KAZN: variants seen among roughly 807,000 people sequenced by gnomAD.
KAZN encodes the protein kazrin.
KAZN carries 40 observed loss-of-function variants against 87.4 expected under a neutral mutation model. That is an observed-to-expected ratio of 0.46 (90% CI 0.36 to 0.60). KAZN has a LOEUF of 0.60. Among genes scored for constraint, KAZN ranks in the 20% least tolerant of loss-of-function variants. The pLI, the probability that KAZN is intolerant of heterozygous loss-of-function variation, is 0.00. For missense variants in KAZN, 898 were observed against 1,073.9 expected, an observed-to-expected ratio of 0.84 and a Z score of 2.29; for synonymous variants, 466 against 458.3, an observed-to-expected ratio of 1.02 and a Z score of -0.22.
intron 1 of KAZN, among the ~76,000 whole-genome samples, chr1:14,807,583 A>C (rs1427352022): frequency 2.6e-5 from 4 of 152,146 alleles, no homozygotes; most frequent in South Asian, 2.1e-4. Flanking sequence ...GGCCTGGGCA[A>C]CAGAGTGAGA....
At chr1:14,737,677 TTC>T (rs1195110772) in intron 1 of KAZN, among the ~76,000 whole-genome samples, 1 of 152,228 alleles carries the variant, frequency 6.6e-6, no homozygotes, top group African/African-American at 2.4e-5. Flanking sequence ...GCTGCATTTC[TTC>T]TGTAACTCCA....
chr1:14,478,228 GGAAGGAAGGAAGGAAGGAAAA>G (rs1283179546), intron 2 of KAZN, among the ~76,000 whole-genome samples: 1 of 143,978 alleles, frequency 6.9e-6, no homozygotes, highest in Non-Finnish European at 1.5e-5. Context: ...ATGGATAGAA[GGAAGGAAGGAAGGAAGGAAAA>G]GAAGGAAGGA....
At chr1:14,561,451 C>G (rs1674246796) in intron 2 of KAZN, among the ~76,000 whole-genome samples, 1 of 152,128 alleles carries the variant, frequency 6.6e-6, no homozygotes, top group Admixed American at 6.5e-5. Context: ...TGATTGGCTG[C>G]TTTGGGTCCA....
Position 15,015,132 on chromosome 1 carries a change from T to A in KAZN, c.419-19617T>A, listed in dbSNP as rs189817419. Among the ~76,000 whole-genome samples, 614 of 149,420 alleles carry A rather than the reference T, an allele frequency of 4.1e-3. 4 individuals carry two copies. Among genetic ancestry groups the A allele is most frequent in the Middle Eastern group, 0.028 (8 of 290 alleles). ...AACTTTAAAAACTGAAGTTTTTTCT[T>A]TTTATTTATTTATTTATTTATTTAT... On this transcript the variant is annotated intron_variant, in intron 2 of 14. Coordinates refer to ENST00000376030, the MANE Select transcript of KAZN (RefSeq NM_201628.3).
chr1:14,242,457 C>T (rs897049465), intron 2 of KAZN, among the ~76,000 whole-genome samples: 2 of 152,018 alleles, frequency 1.3e-5, no homozygotes, highest in African/African-American at 4.8e-5. Flanking sequence ...GAAAGAAAAA[C>T]ACTGAAAAAA....
At chr1:14,945,224 G>A (rs1467133854) in intron 1 of KAZN, among the ~76,000 whole-genome samples, 2 of 152,250 alleles carry the variant, frequency 1.3e-5, no homozygotes, top group African/African-American at 2.4e-5. Context: ...TGGAAGTCCA[G>A]TGCTGGAGGC....
At chr1:14,482,059 G>A (rs1669113860) in intron 2 of KAZN, among the ~76,000 whole-genome samples, 2 of 152,232 alleles carry the variant, frequency 1.3e-5, no homozygotes, top group Non-Finnish European at 2.9e-5. Context: ...AGAGCCAACA[G>A]GTGCCAGGCA....
intron 1 of KAZN, among the ~76,000 whole-genome samples, chr1:14,663,654 AAAAC>A (rs561275847): frequency 6.0e-4 from 91 of 152,362 alleles, no homozygotes; most frequent in African/African-American, 9.9e-4. Context: ...AAACAACAAA[AAAAC>A]AAACAGAGAA....
chr1:14,650,537 C>T (rs1379782587), intron 1 of KAZN, among the ~76,000 whole-genome samples: 1 of 152,132 alleles, frequency 6.6e-6, no homozygotes, highest in Non-Finnish European at 1.5e-5. Context: ...TAGAGTGAAA[C>T]CCTGTCTCAA....
At chr1:13,985,202 AT>A (rs1395685307) in intron 1 of KAZN, among the ~76,000 whole-genome samples, 1 of 151,990 alleles carries the variant, frequency 6.6e-6, no homozygotes, top group Admixed American at 6.6e-5. Context: ...ATAAAGCTGA[AT>A]TTTTTTAAAA....
intron 1 of KAZN, among the ~76,000 whole-genome samples, chr1:14,763,621 G>A (rs1448923184): frequency 6.6e-6 from 1 of 152,176 alleles, no homozygotes; most frequent in African/African-American, 2.4e-5. Flanking sequence ...ACTCAAGGCA[G>A]GAATCAGGCT....
chr1:14,287,199 A>G (rs900048705), intron 2 of KAZN, among the ~76,000 whole-genome samples: 2 of 152,164 alleles, frequency 1.3e-5, no homozygotes, highest in African/African-American at 4.8e-5. Flanking sequence ...ACACCGTTTT[A>G]CATTTTATGA....
chr1:13,999,106 T>G (rs1639660015), intron 1 of KAZN, among the ~76,000 whole-genome samples: 1 of 152,066 alleles, frequency 6.6e-6, no homozygotes, highest in African/African-American at 2.4e-5. Flanking sequence ...TCCCAGAACT[T>G]TGGGAGGCCG....
At chr1:14,627,673 C>G (rs1464495995) in intron 1 of KAZN, among the ~76,000 whole-genome samples, 2 of 152,140 alleles carry the variant, frequency 1.3e-5, no homozygotes, top group Non-Finnish European at 2.9e-5. Context: ...TCAATGACTC[C>G]CAGCCGAGCT....
chr1:14,136,085 G>T (rs1645103446), intron 1 of KAZN, among the ~76,000 whole-genome samples: 1 of 152,114 alleles, frequency 6.6e-6, no homozygotes, highest in South Asian at 2.1e-4. Flanking sequence ...GAAGAGGAGG[G>T]TCTTTGTGGA....
intron 1 of KAZN, among the ~76,000 whole-genome samples, chr1:14,134,326 G>A (rs952805730): frequency 1.3e-5 from 2 of 152,282 alleles, no homozygotes; most frequent in East Asian, 1.9e-4. Flanking sequence ...TGGGCTGAAA[G>A]GATCCTCCCT....
chr1:14,241,603 G>A (rs1283918720), intron 2 of KAZN, among the ~76,000 whole-genome samples: 1 of 152,192 alleles, frequency 6.6e-6, no homozygotes, highest in African/African-American at 2.4e-5. Flanking sequence ...CCACGGTGCT[G>A]TTCCCTACCC....
At chr1:14,199,696 A>G (rs1022144551) in intron 2 of KAZN, among the ~76,000 whole-genome samples, 3 of 152,196 alleles carry the variant, frequency 2.0e-5, no homozygotes, top group Admixed American at 6.5e-5. Flanking sequence ...ATCAGGAAAG[A>G]CTTCTCCACT....
At chr1:13,899,801 GC>G (rs905988656) in intron 1 of KAZN, among the ~76,000 whole-genome samples, 1 of 152,000 alleles carries the variant, frequency 6.6e-6, no homozygotes, top group African/African-American at 2.4e-5. Flanking sequence ...GTGCCACCAT[GC>G]CCAGCTAATT....
Sources: gnomAD v4.1 joint callset for allele counts (sites outside exome capture counted in the v4.1 genomes callset) on GRCh38, gnomAD v4.1.1 for gene constraint, MANE v1.5 for transcripts, NCBI Gene and HGNC (gene_info 2026-07-23, HGNC 2026-07-21) for gene names.